Variants in HSF2BP observed in about 807,000 individuals in gnomAD.
The protein encoded by HSF2BP is heat shock transcription factor 2 binding protein.
HSF2BP carries 35 observed loss-of-function variants against 35.0 expected under a neutral mutation model. The observed-to-expected ratio is 1.00, with a 90% CI of 0.76 to 1.32. The LOEUF (loss-of-function observed/expected upper bound fraction) is 1.32. Ranked by LOEUF, HSF2BP falls within the 40% of genes most tolerant of loss-of-function variation. The pLI, the probability that HSF2BP is intolerant of heterozygous loss-of-function variation, is 0.00. For synonymous variants in HSF2BP, 114 were observed against 117.4 expected (o/e 0.97, Z 0.18); for missense variants, 326 against 321.7 (o/e 1.01, Z -0.10).
At chr21:43,593,956 GA>G (rs2081956674) in intron 7 of HSF2BP, among the ~76,000 whole-genome samples, 1 of 151,284 alleles carries the variant, frequency 6.6e-6, no homozygotes, top group African/African-American at 2.4e-5. Context: ...AACATCTCAA[GA>G]AAGATAAAAA....
intron 8 of HSF2BP, 127 bp downstream of exon 8, chr21:43,592,098 A>G: frequency 1.6e-6 from 1 of 631,542 alleles, no homozygotes; most frequent in South Asian, 2.0e-5. Context: ...TATAGTATAT[A>G]GAGAGGATTT....
Position 43,658,187 on chromosome 21 carries a change from GGTCGGGAAC to G in HSF2BP, c.-100_-92del. ...AGCGCGGGAACGAATCCACGCCGGGGGTCGGGAACGGAGAGCCGCCAGGCCCAAACCTCC... is the reference window on the plus strand; with the variant it reads ...AGCGCGGGAACGAATCCACGCCGGGGGGAGAGCCGCCAGGCCCAAACCTCC... On this transcript the variant is annotated 5_prime_UTR_variant, in exon 2 of 9. Transcript: ENST00000291560. 7.2e-7 allele frequency: 1 copy of G among 1,384,156 alleles called. No individual in the cohort carries two copies. Among genetic ancestry groups the G allele is most frequent in the Non-Finnish European group, 9.5e-7 (1 of 1,051,618 alleles). The allele number at this position is 1,384,156 out of a possible 1,614,324, so 85.7% of individuals were successfully genotyped here.
At chr21:43,574,704 G>A (rs759012581) in intron 8 of HSF2BP, among the ~76,000 whole-genome samples, 2 of 151,986 alleles carry the variant, frequency 1.3e-5, no homozygotes, top group Admixed American at 6.5e-5. Context: ...AGTCCTCCCC[G>A]ACCCCAACAT....
chr21:43,658,015 G>A (rs2082902170), intron 2 of HSF2BP, 46 bp downstream of exon 2: 1 of 1,535,086 alleles, frequency 6.5e-7, no homozygotes, highest in African/African-American at 1.4e-5. Context: ...GGAGCGAATG[G>A]CGACGGTTCA....
At chr21:43,580,918 T>TA (rs1330044601) in intron 8 of HSF2BP, among the ~76,000 whole-genome samples, 1 of 152,226 alleles carries the variant, frequency 6.6e-6, no homozygotes, top group Non-Finnish European at 1.5e-5. Context: ...CACTAGTTAC[T>TA]AAACCCTCTG....
At chr21:43,625,355 A>T (rs949754468) in intron 6 of HSF2BP, among the ~76,000 whole-genome samples, 1 of 152,122 alleles carries the variant, frequency 6.6e-6, no homozygotes, top group African/African-American at 2.4e-5. Context: ...CAAAAAAAAT[A>T]AAAAATAAAA....
At chr21:43,600,790 T>C (rs78045326) in intron 7 of HSF2BP, among the ~76,000 whole-genome samples, 3,814 of 152,302 alleles carry the variant, frequency 0.025, 49 homozygotes, top group Middle Eastern at 0.065. Flanking sequence ...TTGAATTCCC[T>C]TGGTGAACGC....
intron 7 of HSF2BP, among the ~76,000 whole-genome samples, chr21:43,604,348 C>A (rs567538970): frequency 7.1e-6 from 1 of 140,076 alleles, no homozygotes; most frequent in African/African-American, 2.7e-5. Flanking sequence ...ATCACGCACA[C>A]ACCACACACA....
chr21:43,587,547 C>T (rs2081868458), intron 8 of HSF2BP, among the ~76,000 whole-genome samples: 1 of 151,812 alleles, frequency 6.6e-6, no homozygotes, highest in Non-Finnish European at 1.5e-5. Flanking sequence ...TGCCTGTAAT[C>T]CCAGCTACTC....
At chr21:43,656,222 C>T (rs922780502) in intron 3 of HSF2BP, among the ~76,000 whole-genome samples, 1 of 152,260 alleles carries the variant, frequency 6.6e-6, no homozygotes, top group African/African-American at 2.4e-5. Flanking sequence ...GCTATCTCTA[C>T]TGACAAGTAA....
chr21:43,657,738 C>T (rs1270249750), intron 2 of HSF2BP: 1 of 726,414 alleles, frequency 1.4e-6, no homozygotes, highest in Non-Finnish European at 1.7e-6. Flanking sequence ...CCAGGGCCTT[C>T]GGAGGGGAAC....
intron 7 of HSF2BP, among the ~76,000 whole-genome samples, chr21:43,605,892 C>T (rs180912658): frequency 2.2e-4 from 33 of 151,044 alleles, no homozygotes; most frequent in African/African-American, 7.5e-4. Flanking sequence ...CCCCACGCCC[C>T]GCCACATATA....
At chr21:43,475,776 G>A in the HSF2BP span, 16 of 7,800 alleles carry the variant, frequency 2.1e-3, 1 homozygote, top group African/African-American at 0.016. Flanking sequence ...GCTTGAACCC[G>A]GGAGGCAGAG....
At chr21:43,633,484 A>G (rs191696319) in intron 4 of HSF2BP, 63 bp from the exon 5 acceptor site, 37 of 1,302,510 alleles carry the variant, frequency 2.8e-5, no homozygotes, top group Admixed American at 1.2e-4. Context: ...TCTTTATTAC[A>G]TTTCCTCTTT....
chr21:43,649,635 T>A (rs191208022), intron 3 of HSF2BP, among the ~76,000 whole-genome samples: 1 of 152,338 alleles, frequency 6.6e-6, no homozygotes, highest in Admixed American at 6.5e-5. Context: ...ATTTTAGGTG[T>A]GCTGTCAACA....
At chr21:43,572,899 T>C (rs2081594128) in intron 8 of HSF2BP, among the ~76,000 whole-genome samples, 1 of 152,228 alleles carries the variant, frequency 6.6e-6, no homozygotes, top group Non-Finnish European at 1.5e-5. Context: ...CCAAATCAAT[T>C]CTACTTTCAC....
At chr21:43,580,806 C>T (rs1036583962) in intron 8 of HSF2BP, among the ~76,000 whole-genome samples, 1 of 152,188 alleles carries the variant, frequency 6.6e-6, no homozygotes, top group Non-Finnish European at 1.5e-5. Flanking sequence ...CCACAGCTCA[C>T]ATAATAAAGA....
chr21:43,638,461 A>C (rs2082593969), intron 4 of HSF2BP, among the ~76,000 whole-genome samples: 1 of 152,208 alleles, frequency 6.6e-6, no homozygotes, highest in Non-Finnish European at 1.5e-5. Context: ...ACAAAAAGCA[A>C]CCACATTTCT....
chr21:43,589,964 CA>C (rs1302870832), intron 8 of HSF2BP, among the ~76,000 whole-genome samples: 7 of 152,196 alleles, frequency 4.6e-5, no homozygotes, highest in Non-Finnish European at 1.0e-4. Flanking sequence ...ACCTTTGTGA[CA>C]CTGATTTAGG....
Sources: allele counts gnomAD v4.1 joint callset (sites outside exome capture counted in the v4.1 genomes callset), GRCh38; gene constraint gnomAD v4.1.1; transcripts MANE v1.5; gene names NCBI Gene and HGNC (gene_info 2026-07-23, HGNC 2026-07-21).